Variants in KIAA1671 observed in about 807,000 individuals in gnomAD.
KIAA1671 encodes the protein KIAA1671.
In KIAA1671, 52 loss-of-function variants were observed where a neutral mutation model predicts 131.2. That is an observed-to-expected ratio of 0.40 (90% CI 0.32 to 0.50). The LOEUF is 0.50. Among genes scored for constraint, KIAA1671 ranks in the 20% least tolerant of loss-of-function variants. The pLI is 0.73. For synonymous variants in KIAA1671, 1,003 were observed against 961.6 expected (o/e 1.04, Z -0.80); for missense variants, 2,360 against 2,364.2 (o/e 1.00, Z 0.04).
At chr22:25,178,943 C>T (rs1461499930) in intron 9 of KIAA1671, among the ~76,000 whole-genome samples, 4 of 152,238 alleles carry the variant, frequency 2.6e-5, no homozygotes, top group Non-Finnish European at 5.9e-5. Flanking sequence ...CTCAGAGGAC[C>T]TGCCCTGACC....
At chr22:25,146,067 A>G (rs910308666) in intron 6 of KIAA1671, among the ~76,000 whole-genome samples, 5 of 152,234 alleles carry the variant, frequency 3.3e-5, no homozygotes, top group Non-Finnish European at 7.3e-5. Context: ...ACTCAGTGAC[A>G]CGCTCAGGAA....
rs1421397054 is a variant in KIAA1671 at position 24,952,748 on chromosome 22, G to A, written c.-232G>A. ...GCGGGCTGCGGGCAGGTGGCGGCGC[G>A]GCGCGGGCTGGCGGTGGCTCCACGG... On this transcript the variant is annotated 5_prime_UTR_variant, in exon 1 of 13. Transcript: ENST00000358431. This position sits in a 1 kb window ranked among gnomAD's most constrained non-coding sequence, Gnocchi z 4.5. The A allele has an allele frequency of 6.5e-6, 1 of 154,942 alleles. No individual in the cohort carries two copies. The highest frequency in any genetic ancestry group is 1.4e-5 in the Non-Finnish European group (1 of 70,028). 9.6% of individuals were successfully genotyped at this position (154,942 alleles called of 1,614,324 possible). A position where few individuals can be genotyped will look rare whatever the true frequency, so the allele number is the denominator to read the frequency against.
intron 4 of KIAA1671, among the ~76,000 whole-genome samples, chr22:25,035,916 A>C (rs1926565586): frequency 6.6e-6 from 1 of 152,160 alleles, no homozygotes. Context: ...AGTAAAATAC[A>C]CATAACAGGC....
intron 6 of KIAA1671, among the ~76,000 whole-genome samples, chr22:25,092,660 G>A (rs1190005081): frequency 6.6e-6 from 1 of 152,144 alleles, no homozygotes; most frequent in Non-Finnish European, 1.5e-5. Flanking sequence ...AAGTGATCGG[G>A]TTCAGGCTGT....
At chr22:25,136,195 A>G (rs981825380) in intron 6 of KIAA1671, among the ~76,000 whole-genome samples, 1 of 152,174 alleles carries the variant, frequency 6.6e-6, no homozygotes, top group Non-Finnish European at 1.5e-5. Flanking sequence ...ACCCTGCTTC[A>G]TGTGCCTTTT....
At chr22:25,015,097 G>A (rs1341645378) in intron 1 of KIAA1671, 2 of 152,036 alleles carry the variant, frequency 1.3e-5, no homozygotes, top group Non-Finnish European at 2.9e-5. Context: ...AAAATTAGCA[G>A]GTCATGGTGG....
intron 6 of KIAA1671, among the ~76,000 whole-genome samples, chr22:25,077,667 C>G (rs1046606868): frequency 6.6e-6 from 1 of 152,168 alleles, no homozygotes; most frequent in Non-Finnish European, 1.5e-5. Context: ...TTTTAAGATC[C>G]TCCTGCAGGG....
At chr22:25,122,498 C>T (rs1246308055) in intron 6 of KIAA1671, among the ~76,000 whole-genome samples, 1 of 152,210 alleles carries the variant, frequency 6.6e-6, no homozygotes, top group Non-Finnish European at 1.5e-5. Context: ...CCCTGAGCTG[C>T]CACTCTCTGC....
At chr22:24,968,012 C>A (rs1399039899) in intron 1 of KIAA1671, among the ~76,000 whole-genome samples, 1 of 151,886 alleles carries the variant, frequency 6.6e-6, no homozygotes, top group African/African-American at 2.4e-5. Flanking sequence ...GAAAAAAAGA[C>A]TTGGATGAGA....
intron 6 of KIAA1671, among the ~76,000 whole-genome samples, chr22:25,077,593 G>T (rs886798470): frequency 6.6e-6 from 1 of 152,210 alleles, no homozygotes; most frequent in African/African-American, 2.4e-5. Context: ...GGCCCGTGGG[G>T]CGTGACACCC....
At chr22:25,107,467 CA>C (rs1931072680) in intron 6 of KIAA1671, among the ~76,000 whole-genome samples, 2 of 85,462 alleles carry the variant, frequency 2.3e-5, no homozygotes, top group South Asian at 9.1e-4. Context: ...CCATCCATGG[CA>C]CTTTTTTTTT....
intron 6 of KIAA1671, chr22:25,065,120 C>A: frequency 6.6e-6 from 1 of 152,426 alleles, no homozygotes. Context: ...TGTGCTTGAG[C>A]GCTGGTTTGG....
intron 1 of KIAA1671, among the ~76,000 whole-genome samples, chr22:24,954,853 T>C (rs1414195947): frequency 6.6e-6 from 1 of 152,214 alleles, no homozygotes; most frequent in Non-Finnish European, 1.5e-5. Flanking sequence ...CGATCTCGGC[T>C]CACTGCGACC....
At chr22:25,038,308 G>T (rs1405308613) in intron 4 of KIAA1671, among the ~76,000 whole-genome samples, 1 of 152,200 alleles carries the variant, frequency 6.6e-6, no homozygotes, top group Non-Finnish European at 1.5e-5. Context: ...GGCTGGATCT[G>T]CCTCTTTCTG....
At chr22:25,067,539 C>G (rs1226603210) in intron 6 of KIAA1671, among the ~76,000 whole-genome samples, 1 of 152,008 alleles carries the variant, frequency 6.6e-6, no homozygotes, top group African/African-American at 2.4e-5. Flanking sequence ...CCTCTGTGTT[C>G]CCTGTCTTGC....
intron 6 of KIAA1671, among the ~76,000 whole-genome samples, chr22:25,068,500 G>A (rs1481304379): frequency 2.6e-5 from 4 of 151,766 alleles, no homozygotes; most frequent in Admixed American, 1.3e-4. Flanking sequence ...GCAGTGGCAC[G>A]ATCTCGGCTC....
intron 1 of KIAA1671, among the ~76,000 whole-genome samples, chr22:24,973,389 GTTTTTTTTTTTTTTT>G (rs57519039): frequency 5.6e-5 from 4 of 71,648 alleles, no homozygotes; most frequent in Non-Finnish European, 9.8e-5. Flanking sequence ...GCATATGATG[GTTTTTTTTTTTTTTT>G]TTTTTTTTTT....
At chr22:24,989,480 C>T (rs1923722413) in intron 1 of KIAA1671, among the ~76,000 whole-genome samples, 1 of 152,150 alleles carries the variant, frequency 6.6e-6, no homozygotes, top group African/African-American at 2.4e-5. Flanking sequence ...GCCTTCATAG[C>T]CCTGGTCAAC....
At chr22:25,121,276 C>CA (rs769078831) in intron 6 of KIAA1671, among the ~76,000 whole-genome samples, 1 of 152,072 alleles carries the variant, frequency 6.6e-6, no homozygotes, top group Non-Finnish European at 1.5e-5. Context: ...TCCTGGCTAA[C>CA]ACGGTGAAAA....
Sources: gnomAD v4.1 joint callset for allele counts (sites outside exome capture counted in the v4.1 genomes callset) on GRCh38, gnomAD v4.1.1 for gene constraint, Gnocchi (gnomAD v3.1) non-coding constraint, MANE v1.5 for transcripts, NCBI Gene and HGNC (gene_info 2026-07-23, HGNC 2026-07-21) for gene names.